The following MTMR2 variants were observed in gnomAD, a reference collection of about 807,000 sequenced individuals.
MTMR2 encodes the protein phosphatidylinositol-3,5-bisphosphate 3-phosphatase MTMR2.
In MTMR2, 55 loss-of-function variants were observed where a neutral mutation model predicts 86.9. That is an observed-to-expected ratio of 0.63 (90% CI 0.51 to 0.79). The LOEUF (loss-of-function observed/expected upper bound fraction) is 0.79. MTMR2 is among the 30% of genes least tolerant of loss of function. The pLI is 0.00. For missense variants in MTMR2, 659 were observed against 772.3 expected, an observed-to-expected ratio of 0.85 and a Z score of 1.74; for synonymous variants, 241 against 266.8, an observed-to-expected ratio of 0.90 and a Z score of 0.94.
At chr11:95,887,668 G>A (rs180872578) in intron 2 of MTMR2, 5 of 182,960 alleles carry the variant, frequency 2.7e-5, no homozygotes, top group African/African-American at 7.2e-5. Flanking sequence ...CTTAGCTCCC[G>A]AACTGGACTG....
intron 7 of MTMR2, among the ~76,000 whole-genome samples, chr11:95,853,684 T>A (rs948030733): frequency 6.6e-6 from 1 of 152,222 alleles, no homozygotes; most frequent in Non-Finnish European, 1.5e-5. Context: ...TTAATCTATT[T>A]GTTTGAATGC....
intron 1 of MTMR2, among the ~76,000 whole-genome samples, chr11:95,919,644 T>C (rs968304825): frequency 5.3e-5 from 8 of 152,182 alleles, no homozygotes; most frequent in African/African-American, 1.9e-4. Context: ...TCATTGTGTG[T>C]AGGACTGGGC....
chr11:95,851,471 T>C (rs1420156934), intron 7 of MTMR2, among the ~76,000 whole-genome samples: 1 of 152,160 alleles, frequency 6.6e-6, no homozygotes, highest in African/African-American at 2.4e-5. Flanking sequence ...CAAGCAATTC[T>C]CCTGCCTCAG....
chr11:95,851,934 AT>A (rs1864036909), intron 7 of MTMR2, among the ~76,000 whole-genome samples: 2 of 152,238 alleles, frequency 1.3e-5, no homozygotes, highest in Admixed American at 1.3e-4. Flanking sequence ...AATATCTGCT[AT>A]TTTATAAATA....
Position 95,847,680 on chromosome 11 carries a change from A to T in MTMR2, c.1179+34T>A, listed in dbSNP as rs369314971. The T allele has an allele frequency of 1.9e-4, 298 of 1,528,940 alleles. 2 individuals are homozygous for T. The East Asian group carries it at 2.3e-3, about 12-fold the overall frequency. 94.7% of individuals were successfully genotyped at this position (1,528,940 alleles called of 1,614,324 possible). On this transcript the variant is annotated intron_variant, in intron 10 of 14. Coordinates refer to ENST00000346299, the MANE Select transcript of MTMR2 (RefSeq NM_016156.6). ...CTAATATAAACAAAGGGGTAGAGAGAGTCTTTGTTTGGGATATAGTAACAC... is the reference window on the plus strand; with the variant it reads ...CTAATATAAACAAAGGGGTAGAGAGTGTCTTTGTTTGGGATATAGTAACAC...
At chr11:95,861,895 C>A in intron 5 of MTMR2, 97 bp downstream of exon 5, 1 of 918,108 alleles carries the variant, frequency 1.1e-6, no homozygotes, top group Admixed American at 2.4e-5. Flanking sequence ...AATTGGAAAT[C>A]CATTTTATAT....
chr11:95,901,723 G>A (rs940366894), intron 1 of MTMR2, among the ~76,000 whole-genome samples: 1 of 152,084 alleles, frequency 6.6e-6, no homozygotes, highest in Non-Finnish European at 1.5e-5. Context: ...TAACACAAAC[G>A]TATACCCCAA....
intron 12 of MTMR2, among the ~76,000 whole-genome samples, chr11:95,841,259 A>C (rs1340920772): frequency 6.6e-6 from 1 of 152,132 alleles, no homozygotes; most frequent in Non-Finnish European, 1.5e-5. Flanking sequence ...TTAACAGTTA[A>C]AGTTACTTAA....
chr11:95,897,644 T>G (rs564217619), intron 1 of MTMR2, among the ~76,000 whole-genome samples: 33 of 152,292 alleles, frequency 2.2e-4, no homozygotes, highest in Middle Eastern at 3.4e-3. Flanking sequence ...TATCATGTGA[T>G]TTTATCAGAA....
chr11:95,920,890 T>A (rs776183060), intron 1 of MTMR2, among the ~76,000 whole-genome samples: 2 of 152,198 alleles, frequency 1.3e-5, no homozygotes, highest in Non-Finnish European at 2.9e-5. Flanking sequence ...GCATGAGCCA[T>A]GGCACTCGGC....
intron 12 of MTMR2, chr11:95,840,191 G>A (rs1863483608): frequency 6.6e-6 from 1 of 152,056 alleles, no homozygotes; most frequent in Admixed American, 6.6e-5. Context: ...TATCAGAACT[G>A]ATACATTCAA....
intron 1 of MTMR2, among the ~76,000 whole-genome samples, chr11:95,909,645 T>C (rs1866423340): frequency 6.6e-6 from 1 of 152,154 alleles, no homozygotes; most frequent in African/African-American, 2.4e-5. Context: ...TTATTTTGTT[T>C]TTTTTTAACC....
At chr11:95,882,186 C>G (rs542076175) in intron 2 of MTMR2, among the ~76,000 whole-genome samples, 144 of 151,902 alleles carry the variant, frequency 9.5e-4, no homozygotes, top group African/African-American at 3.4e-3. Context: ...GTCAATATCA[C>G]ATTCATGGAC....
intron 14 of MTMR2, among the ~76,000 whole-genome samples, chr11:95,835,676 C>T (rs576583002): frequency 6.6e-6 from 1 of 151,988 alleles, no homozygotes; most frequent in South Asian, 2.1e-4. Context: ...TGTGTAGGTG[C>T]TCCTGAAACT....
At chr11:95,861,331 A>G (rs552029106) in intron 5 of MTMR2, among the ~76,000 whole-genome samples, 3 of 150,874 alleles carry the variant, frequency 2.0e-5, no homozygotes, top group African/African-American at 7.3e-5. Flanking sequence ...CAGGATTTTT[A>G]TAAGGCTCAA....
chr11:95,895,787 A>C (rs1192818000), intron 1 of MTMR2, among the ~76,000 whole-genome samples: 2 of 152,152 alleles, frequency 1.3e-5, no homozygotes, highest in African/African-American at 4.8e-5. Context: ...ATTTTTCCAC[A>C]CACAAAAAAA....
intron 13 of MTMR2, among the ~76,000 whole-genome samples, chr11:95,837,220 A>G (rs1038848781): frequency 6.6e-6 from 1 of 152,036 alleles, no homozygotes; most frequent in Non-Finnish European, 1.5e-5. Flanking sequence ...GAAATACTAC[A>G]TAGCAGTTCT....
chr11:95,836,459 C>A, intron 13 of MTMR2, 135 bp from the exon 14 acceptor site: 1 of 783,206 alleles, frequency 1.3e-6, no homozygotes, highest in East Asian at 2.6e-5. Context: ...CAGTGATAAA[C>A]CAACTTATAT....
At chr11:95,904,264 C>G (rs903616663) in intron 1 of MTMR2, among the ~76,000 whole-genome samples, 1 of 152,180 alleles carries the variant, frequency 6.6e-6, no homozygotes, top group Non-Finnish European at 1.5e-5. Flanking sequence ...TACTCAATCT[C>G]GCTAATCAGC....
Sources: gnomAD v4.1 joint callset for allele counts (sites outside exome capture counted in the v4.1 genomes callset) on GRCh38, gnomAD v4.1.1 for gene constraint, MANE v1.5 for transcripts, NCBI Gene and HGNC (gene_info 2026-07-23, HGNC 2026-07-21) for gene names.